The following LRRK2 variants were observed in gnomAD, a reference collection of about 807,000 sequenced individuals.
The protein encoded by LRRK2 is leucine-rich repeat serine/threonine-protein kinase 2.
A neutral mutation model predicts 302.6 loss-of-function variants in LRRK2; 203 were observed. The ratio of observed to expected loss-of-function variants is 0.67; its 90% CI spans 0.60 to 0.75. LRRK2 has a LOEUF of 0.75. Among genes scored for constraint, LRRK2 ranks in the 30% least tolerant of loss-of-function variants. The probability of loss-of-function intolerance (pLI) is 0.00; values close to 1 mark genes in which losing one functional copy is unlikely to be tolerated. For missense variants in LRRK2, 2,830 were observed against 2,951.0 expected, an observed-to-expected ratio of 0.96 and a Z score of 0.95; for synonymous variants, 1,066 against 1,031.9, an observed-to-expected ratio of 1.03 and a Z score of -0.63.
intron 18 of LRRK2, among the ~76,000 whole-genome samples, chr12:40,281,356 T>C (rs776640793): frequency 3.3e-5 from 5 of 152,242 alleles, no homozygotes; most frequent in Admixed American, 6.5e-5. Context: ...CTTTAATTTC[T>C]TGGCTACACA....
rs1565743130 is a variant in LRRK2, at chr12:40,314,158, T to A, written c.4723T>A (p.Phe1575Ile). ...DENELPHAVH[F>I]LNESGVLLHF... ...AAATGAGCTTCCTCACGCAGTTCAC[T>A]TTCTAAATGAATCAGGTTTGTGTTT... Residue 1575 changes from phenylalanine to isoleucine, a missense_variant, in exon 32 of 51, where the codon TTT becomes ATT. Physicochemically the swap from Phe to Ile is conservative, Grantham distance 21. This residue lies in a region of LRRK2 where 2,121 missense variants were observed against 2,148.0 expected (regional missense o/e 0.99). Transcript: ENST00000298910. 1 of 1,612,402 alleles carries A rather than the reference T, an allele frequency of 6.2e-7. No homozygotes were observed. The highest frequency in any genetic ancestry group is 1.7e-5 in the Admixed American group (1 of 59,882).
chr12:40,225,246 C>G lies in LRRK2; in HGVS notation c.115C>G (p.Leu39Val). ...GKQIETLVQILEDLLVFTYSE... is the reference protein window; with the variant it reads ...GKQIETLVQIVEDLLVFTYSE... ...ACAGATAGAAACGCTGGTCCAAATC[C>G]TGGAGGATCTGCTGGTGTTCACGTA... The change falls in exon 1 of 51, where the codon CTG (leucine) becomes GTG (valine). Residue 39 changes from leucine (L) to valine (V), a missense_variant. Physicochemically the swap from Leu to Val is conservative, Grantham distance 32. Transcript: ENST00000298910. 6.2e-7 allele frequency: 1 copy of G among 1,614,160 alleles called. No homozygotes were observed. Among genetic ancestry groups the G allele is most frequent in the Non-Finnish European group, 8.5e-7 (1 of 1,180,026 alleles).
chr12:40,362,887 T>C (rs1946756633), intron 47 of LRRK2, among the ~76,000 whole-genome samples: 1 of 152,108 alleles, frequency 6.6e-6, no homozygotes, highest in Non-Finnish European at 1.5e-5. Flanking sequence ...TTTTGTTTTC[T>C]ATAATTTGAC....
chr12:40,258,362 C>A lies in LRRK2; in HGVS notation c.1418+985C>A, dbSNP rs570153969. ...TTATATATCTTTCTAAGCTGTATTTCTCTTATTTAAGTGTTGTTTTTGAAC... is the reference window on the plus strand; with the variant it reads ...TTATATATCTTTCTAAGCTGTATTTATCTTATTTAAGTGTTGTTTTTGAAC... On this transcript the variant is annotated intron_variant, in intron 12 of 50. Coordinates refer to ENST00000298910, the MANE Select transcript of LRRK2 (RefSeq NM_198578.4). 1.1e-4 allele frequency among the ~76,000 whole-genome samples: 17 copies of A among 152,192 alleles called. No homozygotes were observed. The South Asian group carries it at 3.3e-3, about 30-fold the overall frequency.
chr12:40,288,161 T>C (rs1481334592), intron 20 of LRRK2, among the ~76,000 whole-genome samples: 1 of 151,740 alleles, frequency 6.6e-6, no homozygotes, highest in African/African-American at 2.4e-5. Context: ...GGTGATAGAA[T>C]AAGGATATTT....
Position 40,243,604 on chromosome 12 carries a change from T to C in LRRK2, c.761T>C (p.Val254Ala). The C allele has an allele frequency of 6.2e-7, 1 of 1,612,250 alleles. No homozygotes were observed. Among genetic ancestry groups the C allele is most frequent in the East Asian group, 2.2e-5 (1 of 44,720 alleles). Residue 254 changes from valine to alanine, a missense_variant, in exon 7 of 51, where the codon GTG (valine) becomes GCG (alanine). Val to Ala is a moderately conservative substitution (Grantham distance 64, BLOSUM62 0). Coordinates refer to ENST00000298910, the MANE Select transcript of LRRK2 (RefSeq NM_198578.4). Reference protein sequence around the residue: ...SGNVRCYNIVVEAMKAFPMSE... With the variant: ...SGNVRCYNIVAEAMKAFPMSE... ...AATGTCAGGTGTTATAATATTGTGG[T>C]GGAAGCTATGAAAGCATTCCCTATG...
intron 21 of LRRK2, 105 bp from the exon 22 acceptor site, chr12:40,294,740 T>G: frequency 1.6e-6 from 1 of 632,036 alleles, no homozygotes; most frequent in Non-Finnish European, 2.7e-6. Flanking sequence ...TTCCCATAAT[T>G]ATAAATACCA....
intron 31 of LRRK2, among the ~76,000 whole-genome samples, chr12:40,313,368 C>A (rs1441720583): frequency 6.6e-6 from 1 of 151,990 alleles, no homozygotes; most frequent in Admixed American, 6.6e-5. Context: ...AGCAACAGAA[C>A]AATGATCATC....
intron 14 of LRRK2, 34 bp downstream of exon 14, chr12:40,263,935 A>G (rs1407232330): frequency 3.5e-6 from 5 of 1,425,562 alleles, no homozygotes; most frequent in Admixed American, 3.4e-5. Context: ...TATTTATACT[A>G]TTAACTAAAA....
In LRRK2 at chr12:40,351,598, T is replaced by C. The variant is rs761644970; in HGVS notation, c.6441T>C (p.Pro2147=). 3.6e-5 allele frequency: 58 copies of C among 1,614,106 alleles called. No homozygotes were observed. Among genetic ancestry groups the C allele is most frequent in the Non-Finnish European group, 1.4e-5 (16 of 1,180,048 alleles). Residue 2147 remains proline (P), a synonymous_variant, in exon 44 of 51, where the codon CCT becomes CCC. Transcript: ENST00000298910. Reference sequence around the variant, plus strand: ...GTCTGACGAGACGCATTTTATTACCTAAAAACGTAATTGTTGAATGCATGG... The same window carrying C: ...GTCTGACGAGACGCATTTTATTACCCAAAAACGTAATTGTTGAATGCATGG... ...LVCLTRRILL[P]KNVIVECMVA...
At chr12:40,248,872 A>G (rs1942129108) in intron 7 of LRRK2, among the ~76,000 whole-genome samples, 2 of 152,286 alleles carry the variant, frequency 1.3e-5, no homozygotes, top group South Asian at 4.1e-4. Flanking sequence ...ATCTTCTTGA[A>G]AACACTAGTG....
chr12:40,348,490 A>G lies in LRRK2; in HGVS notation c.6362A>G (p.Glu2121Gly). 6.2e-7 allele frequency: 1 copy of G among 1,611,794 alleles called. No individual in the cohort carries two copies. Reference protein sequence around the residue: ...IKQCLKENPQERPTSAQVFDI... With the variant: ...IKQCLKENPQGRPTSAQVFDI... ...CAGTGTTTGAAAGAAAATCCTCAAGAAAGGCCTACTTCTGCCCAGGTATTC... is the reference window on the plus strand; with the variant it reads ...CAGTGTTTGAAAGAAAATCCTCAAGGAAGGCCTACTTCTGCCCAGGTATTC... The change falls in exon 43 of 51, where the codon GAA (glutamate) becomes GGA (glycine). Residue 2121 changes from glutamate (E) to glycine (G), a missense_variant. Physicochemically the swap from Glu to Gly is moderately conservative, Grantham distance 98. This residue lies in a region of LRRK2 where 253 missense variants were observed against 346.7 expected (regional missense o/e 0.73). Transcript: ENST00000298910.
At chr12:40,291,036 C>T (rs1443593741) in intron 20 of LRRK2, among the ~76,000 whole-genome samples, 1 of 151,932 alleles carries the variant, frequency 6.6e-6, no homozygotes, top group African/African-American at 2.4e-5. Context: ...TCCCAAATGT[C>T]CAACAATGAT....
chr12:40,308,874 G>A (rs889465626), intron 29 of LRRK2, among the ~76,000 whole-genome samples, 178 bp downstream of exon 29: 6 of 152,166 alleles, frequency 3.9e-5, no homozygotes, highest in African/African-American at 1.4e-4. Context: ...AACATGGAGG[G>A]ATATGTTAGG....
intron 10 of LRRK2, among the ~76,000 whole-genome samples, chr12:40,252,496 A>G (rs1942316477): frequency 6.6e-6 from 1 of 152,166 alleles, no homozygotes; most frequent in Non-Finnish European, 1.5e-5. Flanking sequence ...ATTTTTCAAT[A>G]TCCATAAGAT....
At chr12:40,299,999 C>G (rs11175934) in intron 25 of LRRK2, among the ~76,000 whole-genome samples, 21,891 of 152,114 alleles carry the variant, frequency 0.14, 1,849 homozygotes, top group Middle Eastern at 0.29. Flanking sequence ...GTGTAGTACC[C>G]TGTGGTTCCC....
chr12:40,318,563 A>G (rs532913144), intron 33 of LRRK2, among the ~76,000 whole-genome samples: 3 of 152,086 alleles, frequency 2.0e-5, no homozygotes, highest in Non-Finnish European at 4.4e-5. Context: ...CCAACGGTAC[A>G]CATTCAGGAA....
At chr12:40,287,667 A>G in intron 20 of LRRK2, 128 bp downstream of exon 20, 1 of 913,858 alleles carries the variant, frequency 1.1e-6, no homozygotes, top group East Asian at 2.6e-5. Context: ...TTATTATCGC[A>G]AACAGTTAAG....
chr12:40,237,948 A>G (rs1278690713), intron 4 of LRRK2, 21 bp from the exon 5 acceptor site: 1 of 1,604,466 alleles, frequency 6.2e-7, no homozygotes, highest in Non-Finnish European at 8.5e-7. Flanking sequence ...TACTCAGAGC[A>G]TATTATTCTC....
Sources: gnomAD v4.1 joint callset for allele counts (sites outside exome capture counted in the v4.1 genomes callset) on GRCh38, gnomAD v4.1.1 for gene constraint, gnomAD v4.1.1 regional missense constraint, MANE v1.5 for transcripts, NCBI Gene and HGNC (gene_info 2026-07-23, HGNC 2026-07-21) for gene names.